Variants in NAALADL2 observed in about 807,000 individuals in gnomAD.
NAALADL2 encodes the protein inactive N-acetylated-alpha-linked acidic dipeptidase-like protein 2.
NAALADL2 carries 76 observed loss-of-function variants against 87.2 expected under a neutral mutation model. That is an observed-to-expected ratio of 0.87 (90% CI 0.72 to 1.05). The LOEUF is 1.05. Among genes scored for constraint, NAALADL2 ranks in the 50% least tolerant of loss-of-function variants. The pLI is 0.00. For missense variants in NAALADL2, 1,089 were observed against 945.8 expected (o/e 1.15, Z -1.99); for synonymous variants, 354 against 331.0 (o/e 1.07, Z -0.75).
intron 2 of NAALADL2, among the ~76,000 whole-genome samples, chr3:174,660,211 A>G (rs1458294725): frequency 3.9e-5 from 6 of 152,172 alleles, no homozygotes; most frequent in Non-Finnish European, 7.4e-5. Flanking sequence ...AAGATTTATT[A>G]TAATGATTAC....
At chr3:175,445,706 A>G (rs1324655697) in intron 5 of NAALADL2, among the ~76,000 whole-genome samples, 3 of 152,160 alleles carry the variant, frequency 2.0e-5, no homozygotes, top group African/African-American at 2.4e-5. Flanking sequence ...ATATTGTTCA[A>G]TGATTAAATT....
chr3:175,753,360 C>G (rs1746850265), intron 12 of NAALADL2, among the ~76,000 whole-genome samples: 3 of 152,220 alleles, frequency 2.0e-5, no homozygotes, highest in Admixed American at 6.5e-5. Flanking sequence ...AACTACTTAT[C>G]TCTTTACATA....
chr3:175,790,780 C>T (rs926596923), intron 13 of NAALADL2, among the ~76,000 whole-genome samples: 4 of 152,136 alleles, frequency 2.6e-5, no homozygotes, highest in African/African-American at 4.8e-5. Context: ...TAAGTCTGTC[C>T]AAAACATTCA....
intron 4 of NAALADL2, among the ~76,000 whole-genome samples, chr3:175,317,881 G>A (rs1759357406): frequency 6.6e-6 from 1 of 152,060 alleles, no homozygotes; most frequent in Admixed American, 6.6e-5. Context: ...CTCCTCTGAA[G>A]GGAAAATAGC....
intron 1 of NAALADL2, among the ~76,000 whole-genome samples, chr3:174,893,878 A>G (rs777873524): frequency 2.3e-4 from 35 of 152,194 alleles, no homozygotes; most frequent in Non-Finnish European, 4.7e-4. Flanking sequence ...TAATAATAAC[A>G]TTGAATGAAA....
Position 174,535,263 on chromosome 3 carries a change from AG to A in NAALADL2, c.-183-15305del, listed in dbSNP as rs149683564. ...GGTACTTATTACAACAATGTATGACAGTAGGGTACTTAAAGTACCCAGATGA... is the reference window on the plus strand; with the variant it reads ...GGTACTTATTACAACAATGTATGACATAGGGTACTTAAAGTACCCAGATGA... On this transcript the variant is annotated intron_variant, in intron 1 of 3. Coordinates refer to the NAALADL2 transcript ENST00000434257. 4.8e-3 allele frequency among the ~76,000 whole-genome samples: 738 copies of A among 152,316 alleles called. 8 individuals carry two copies. The highest frequency in any genetic ancestry group is 0.017 in the African/African-American group (704 of 41,582).
At chr3:175,364,612 C>G (rs940725997) in intron 5 of NAALADL2, among the ~76,000 whole-genome samples, 1 of 147,558 alleles carries the variant, frequency 6.8e-6, no homozygotes, top group Non-Finnish European at 1.5e-5. Flanking sequence ...GCAGCTGAGA[C>G]CCAAGCTTGA....
At chr3:175,655,285 A>T (rs1329004553) in intron 11 of NAALADL2, among the ~76,000 whole-genome samples, 1 of 152,076 alleles carries the variant, frequency 6.6e-6, no homozygotes, top group Non-Finnish European at 1.5e-5. Flanking sequence ...ATAGGTGAGT[A>T]TCTACATATA....
chr3:174,927,276 A>G (rs1360613942), intron 1 of NAALADL2, among the ~76,000 whole-genome samples: 3 of 152,208 alleles, frequency 2.0e-5, no homozygotes, highest in African/African-American at 7.2e-5. Flanking sequence ...TTAACACCCC[A>G]CTGTCAACAT....
intron 2 of NAALADL2, among the ~76,000 whole-genome samples, chr3:175,192,755 A>T (rs140228664): frequency 2.8e-4 from 43 of 152,190 alleles, no homozygotes; most frequent in Non-Finnish European, 5.6e-4. Context: ...TATCCAATGT[A>T]TACTCATCAA....
intron 2 of NAALADL2, among the ~76,000 whole-genome samples, chr3:175,173,976 T>A (rs370903544): frequency 7.4e-5 from 11 of 148,570 alleles, no homozygotes; most frequent in African/African-American, 2.5e-4. Context: ...ATTTTTTTTT[T>A]AACTTTGGTC....
intron 11 of NAALADL2, among the ~76,000 whole-genome samples, chr3:175,667,262 A>G (rs73881342): frequency 0.094 from 13,507 of 144,032 alleles, 1,180 homozygotes; most frequent in African/African-American, 0.24. Context: ...AGAAAGAAAG[A>G]AAGGAAGGAA....
intron 11 of NAALADL2, among the ~76,000 whole-genome samples, chr3:175,715,954 T>G (rs1242575586): frequency 6.6e-6 from 1 of 151,670 alleles, no homozygotes. Flanking sequence ...TTACAAATCC[T>G]TCATTCATTC....
chr3:174,865,641 C>T (rs1727051477), intron 1 of NAALADL2, among the ~76,000 whole-genome samples: 1 of 152,094 alleles, frequency 6.6e-6, no homozygotes. Context: ...AAAAGGTAGA[C>T]ATTGCTTCCA....
chr3:175,133,732 C>A (rs1728638256), intron 2 of NAALADL2, among the ~76,000 whole-genome samples: 2 of 151,930 alleles, frequency 1.3e-5, no homozygotes, highest in Non-Finnish European at 2.9e-5. Flanking sequence ...GAGAGGGAGA[C>A]CGTGGGGAGA....
chr3:174,750,529 G>T (rs930661715), intron 3 of NAALADL2, among the ~76,000 whole-genome samples: 6 of 152,046 alleles, frequency 3.9e-5, no homozygotes, highest in African/African-American at 1.4e-4. Flanking sequence ...CTGCCAGGGG[G>T]TTCAAGTGAT....
At chr3:175,312,166 C>G (rs552423412) in intron 4 of NAALADL2, among the ~76,000 whole-genome samples, 2 of 151,972 alleles carry the variant, frequency 1.3e-5, no homozygotes, top group African/African-American at 4.8e-5. Flanking sequence ...AATAGAAAAA[C>G]CATCTGAAAA....
At chr3:174,751,998 GAC>G (rs1286371363) in intron 3 of NAALADL2, among the ~76,000 whole-genome samples, 1 of 151,456 alleles carries the variant, frequency 6.6e-6, no homozygotes, top group African/African-American at 2.4e-5. Flanking sequence ...ATTTTTTTTA[GAC>G]ACAGTCTCGC....
intron 11 of NAALADL2, among the ~76,000 whole-genome samples, chr3:175,690,577 A>C (rs1736917164): frequency 6.6e-6 from 1 of 152,086 alleles, no homozygotes; most frequent in African/African-American, 2.4e-5. Context: ...TCATAAAATC[A>C]GAAGGGTCAT....
Sources: allele counts gnomAD v4.1 joint callset (sites outside exome capture counted in the v4.1 genomes callset), GRCh38; gene constraint gnomAD v4.1.1; transcripts MANE v1.5; gene names NCBI Gene and HGNC (gene_info 2026-07-23, HGNC 2026-07-21).